Variants in ASTN2 observed in about 807,000 individuals in gnomAD.
ASTN2 encodes astrotactin-2.
A neutral mutation model predicts 139.8 loss-of-function variants in ASTN2; 54 were observed. The ratio of observed to expected loss-of-function variants is 0.39; its 90% CI spans 0.31 to 0.48. The LOEUF (loss-of-function observed/expected upper bound fraction) is 0.48, where lower values mean the gene tolerates loss of function less well. Ranked by LOEUF, ASTN2 falls within the 20% of genes least tolerant of loss-of-function variation. ASTN2 has a pLI of 0.95. For missense variants in ASTN2, 1,565 were observed against 1,725.1 expected, an observed-to-expected ratio of 0.91 and a Z score of 1.64; for synonymous variants, 756 against 719.5, an observed-to-expected ratio of 1.05 and a Z score of -0.81.
At chr9:117,350,526 C>T (rs906265163) in intron 1 of ASTN2, among the ~76,000 whole-genome samples, 3 of 150,202 alleles carry the variant, frequency 2.0e-5, no homozygotes, top group Non-Finnish European at 4.4e-5. Flanking sequence ...TACGCTTCAG[C>T]CTGGGCAACA....
intron 4 of ASTN2, among the ~76,000 whole-genome samples, chr9:117,100,739 A>T (rs4112200): frequency 0.013 from 2,022 of 152,344 alleles, 51 homozygotes; most frequent in African/African-American, 0.046. Flanking sequence ...AATCTTAAAA[A>T]ACAATTTGGA....
At chr9:117,162,666 C>A (rs2132905264) in intron 3 of ASTN2, among the ~76,000 whole-genome samples, 1 of 152,146 alleles carries the variant, frequency 6.6e-6, no homozygotes, top group Middle Eastern at 3.4e-3. Context: ...CTGTAAAATT[C>A]AGATAATAAT....
intron 1 of ASTN2, among the ~76,000 whole-genome samples, chr9:117,347,372 C>T (rs1432997172): frequency 6.6e-6 from 1 of 152,022 alleles, no homozygotes; most frequent in Admixed American, 6.6e-5. Flanking sequence ...TTTGCTCTCA[C>T]CACCACCTGG....
At chr9:116,618,027 G>A (rs1855939730) in intron 19 of ASTN2, among the ~76,000 whole-genome samples, 2 of 152,152 alleles carry the variant, frequency 1.3e-5, no homozygotes, top group Non-Finnish European at 2.9e-5. Context: ...GAGTCCTGCA[G>A]GCCTTCCCAG....
intron 13 of ASTN2, among the ~76,000 whole-genome samples, chr9:116,744,619 G>C (rs370217882): frequency 6.6e-6 from 1 of 152,126 alleles, no homozygotes; most frequent in Admixed American, 6.5e-5. Flanking sequence ...ACTGCACGTG[G>C]TGGGGAGTAA....
chr9:117,365,311 GAA>G lies in ASTN2; in HGVS notation c.442+49184_442+49185del, dbSNP rs199814563. On this transcript the variant is annotated intron_variant, in intron 1 of 22. Coordinates refer to ENST00000313400, the MANE Select transcript of ASTN2 (RefSeq NM_001365068.1). ...AGAAATAGAAAGAAAAAGAAAGAAA[GAA>G]AAAGAAAGAAAGAAAGAAAGAAAGA... is the stretch of plus-strand genomic sequence containing the variant. Among the ~76,000 whole-genome samples, 745 of 146,200 alleles carry G rather than the reference GAA, an allele frequency of 5.1e-3. 5 individuals are homozygous for G. Among genetic ancestry groups the G allele is most frequent in the African/African-American group, 0.017 (644 of 38,774 alleles).
chr9:116,984,667 GC>G lies in ASTN2; in HGVS notation c.1592-7883del, dbSNP rs544277031. ...AGAGGAGAAAAGGGAAAATTAAGTG[GC>G]AAACAATTATTTTGTAAAAGAATGA... On this transcript the variant is annotated intron_variant, in intron 7 of 22. Transcript: ENST00000313400. Among the ~76,000 whole-genome samples the G allele has an allele frequency of 3.0e-4, 46 of 152,288 alleles. 2 individuals are homozygous for G. In the South Asian group the frequency reaches 9.1e-3, roughly 30 times the overall value.
At chr9:116,496,243 G>T (rs1040970374) in intron 19 of ASTN2, among the ~76,000 whole-genome samples, 1 of 152,158 alleles carries the variant, frequency 6.6e-6, no homozygotes, top group Non-Finnish European at 1.5e-5. Flanking sequence ...TGTTCACTTA[G>T]AATGGTGTCT....
intron 1 of ASTN2, among the ~76,000 whole-genome samples, chr9:117,297,968 G>A (rs1834777398): frequency 6.6e-6 from 1 of 152,190 alleles, no homozygotes; most frequent in Non-Finnish European, 1.5e-5. Flanking sequence ...CAGCAGGTGG[G>A]AAAGGGGATC....
At chr9:117,134,291 TATATACACACACAC>T (rs1234424082) in intron 4 of ASTN2, among the ~76,000 whole-genome samples, 863 of 53,550 alleles carry the variant, frequency 0.016, 3 homozygotes, top group Middle Eastern at 0.023. Context: ...TATATATATA[TATATACACACACAC>T]ACACACACAC....
At chr9:117,280,969 C>T (rs1028400765) in intron 2 of ASTN2, among the ~76,000 whole-genome samples, 1 of 152,114 alleles carries the variant, frequency 6.6e-6, no homozygotes, top group African/African-American at 2.4e-5. Context: ...TCCCTCTTTC[C>T]TTCTACATTT....
intron 16 of ASTN2, among the ~76,000 whole-genome samples, chr9:116,693,905 C>G (rs1860702220): frequency 1.3e-5 from 2 of 152,284 alleles, no homozygotes; most frequent in South Asian, 4.2e-4. Flanking sequence ...CTCTATCTGC[C>G]TGTCTCTTAG....
intron 10 of ASTN2, among the ~76,000 whole-genome samples, chr9:116,961,904 C>T (rs1835884166): frequency 6.6e-6 from 1 of 152,206 alleles, no homozygotes; most frequent in Non-Finnish European, 1.5e-5. Context: ...ACGCTAAATG[C>T]ATCATGCATC....
At chr9:117,171,413 T>C (rs976382200) in intron 3 of ASTN2, among the ~76,000 whole-genome samples, 3 of 152,150 alleles carry the variant, frequency 2.0e-5, no homozygotes, top group Non-Finnish European at 2.9e-5. Context: ...CTAATAACAG[T>C]ACTTTTCTCA....
At chr9:117,301,252 G>A (rs1009758474) in intron 1 of ASTN2, among the ~76,000 whole-genome samples, 1 of 152,020 alleles carries the variant, frequency 6.6e-6, no homozygotes, top group Non-Finnish European at 1.5e-5. Flanking sequence ...TGCTCTCTCT[G>A]TCTCTCTTTT....
chr9:116,487,552 G>C (rs764177589), intron 19 of ASTN2, 52 bp from the exon 20 acceptor site: 1 of 1,563,038 alleles, frequency 6.4e-7, no homozygotes, highest in South Asian at 1.2e-5. Flanking sequence ...ATAGTGAGGA[G>C]ACGTTTTTGC....
chr9:117,083,715 A>G (rs948183977), intron 5 of ASTN2, among the ~76,000 whole-genome samples: 1 of 152,162 alleles, frequency 6.6e-6, no homozygotes, highest in Non-Finnish European at 1.5e-5. Flanking sequence ...CAAGAAAGCA[A>G]GAGAGACTGA....
At chr9:116,561,508 C>G (rs1327855357) in intron 19 of ASTN2, among the ~76,000 whole-genome samples, 1 of 152,030 alleles carries the variant, frequency 6.6e-6, no homozygotes, top group East Asian at 1.9e-4. Context: ...CAAATCAACA[C>G]AAAGGAATTA....
intron 12 of ASTN2, 37 bp downstream of exon 12, chr9:116,820,580 T>C: frequency 6.3e-7 from 1 of 1,599,982 alleles, no homozygotes; most frequent in South Asian, 1.1e-5. Context: ...CTCACTTCTG[T>C]AAATGGGGCA....
Sources: allele counts gnomAD v4.1 joint callset (sites outside exome capture counted in the v4.1 genomes callset), GRCh38; gene constraint gnomAD v4.1.1; transcripts MANE v1.5; gene names NCBI Gene and HGNC (gene_info 2026-07-23, HGNC 2026-07-21).